LARP1B: variants seen among roughly 807,000 people sequenced by gnomAD.
LARP1B encodes the protein la-related protein 1B.
LARP1B carries 76 observed loss-of-function variants against 114.2 expected under a neutral mutation model. The ratio of observed to expected loss-of-function variants is 0.67; its 90% CI spans 0.55 to 0.81. The LOEUF (loss-of-function observed/expected upper bound fraction) is 0.81. LARP1B is among the 30% of genes least tolerant of loss of function. The pLI, the probability that LARP1B is intolerant of heterozygous loss-of-function variation, is 0.00. For missense variants in LARP1B, 1,014 were observed against 1,075.8 expected, an observed-to-expected ratio of 0.94 and a Z score of 0.80; for synonymous variants, 345 against 348.0, an observed-to-expected ratio of 0.99 and a Z score of 0.10.
At chr4:128,219,343 C>G (rs1177152896) in intron 6 of LARP1B, among the ~76,000 whole-genome samples, 14 of 91,208 alleles carry the variant, frequency 1.5e-4, no homozygotes, top group African/African-American at 5.7e-4. Context: ...GACACATGCA[C>G]ACGTATGTTT....
chr4:128,109,707 C>T (rs1783338254), intron 9 of LARP1B, among the ~76,000 whole-genome samples: 1 of 150,020 alleles, frequency 6.7e-6, no homozygotes, highest in Non-Finnish European at 1.5e-5. Context: ...GTTTTTCTTT[C>T]TTTTCTTTTT....
chr4:128,216,632 C>T (rs896391560), downstream of LARP1B, among the ~76,000 whole-genome samples: 25 of 149,146 alleles, frequency 1.7e-4, no homozygotes, highest in South Asian at 3.6e-3. Context: ...ATCTCTGGGA[C>T]GCATTCAAAG....
At chr4:128,085,649 T>C (rs960327192) in intron 5 of LARP1B, among the ~76,000 whole-genome samples, 1 of 152,214 alleles carries the variant, frequency 6.6e-6, no homozygotes, top group African/African-American at 2.4e-5. Flanking sequence ...ATTACAAGCA[T>C]GAGCCACCGC....
intron 11 of LARP1B, among the ~76,000 whole-genome samples, chr4:128,126,552 AAAC>A (rs1789687837): frequency 1.3e-5 from 2 of 152,226 alleles, no homozygotes; most frequent in Non-Finnish European, 2.9e-5. Flanking sequence ...CTGGAAGTAA[AAAC>A]AATTATGATT....
intron 15 of LARP1B, among the ~76,000 whole-genome samples, chr4:128,196,647 T>G (rs958922671): frequency 6.6e-6 from 1 of 151,674 alleles, no homozygotes; most frequent in African/African-American, 2.4e-5. Flanking sequence ...CAGGCTGGAG[T>G]GCAGTGGTGC....
At chr4:128,106,577 G>A (rs1485742731) in intron 8 of LARP1B, among the ~76,000 whole-genome samples, 1 of 151,550 alleles carries the variant, frequency 6.6e-6, no homozygotes, top group Non-Finnish European at 1.5e-5. Context: ...TTGCCTAATG[G>A]CTAAGACTTT....
chr4:128,078,651 TC>T (rs1426234324), intron 4 of LARP1B, among the ~76,000 whole-genome samples: 1 of 152,058 alleles, frequency 6.6e-6, no homozygotes, highest in Non-Finnish European at 1.5e-5. Context: ...CTCATAGCAT[TC>T]CCCTGTCAAA....
At position 128,074,951 on chromosome 4, in the gene LARP1B, T is replaced by C. The variant is rs1447447231; in HGVS notation, c.-1T>C. The C allele has an allele frequency of 1.2e-6, 2 of 1,608,612 alleles. No individual in the cohort carries two copies. The highest frequency in any genetic ancestry group is 2.2e-5 in the South Asian group (2 of 90,796). ...CTTCTTAGGCTAGTGATTTCAGTGA[T>C]ATGGAGAATTGGCCAACACCAAGTG... is the stretch of plus-strand genomic sequence containing the variant. On this transcript the variant is annotated 5_prime_UTR_variant, in exon 3 of 20. Transcript: ENST00000326639.
intron 11 of LARP1B, among the ~76,000 whole-genome samples, chr4:128,148,915 C>T (rs1246718362): frequency 6.6e-6 from 1 of 152,236 alleles, no homozygotes; most frequent in South Asian, 2.1e-4. Context: ...GCATGAGCCA[C>T]TGCACCTGGC....
chr4:128,171,263 G>A (rs901417564), intron 12 of LARP1B, among the ~76,000 whole-genome samples: 11 of 151,950 alleles, frequency 7.2e-5, no homozygotes, highest in Non-Finnish European at 1.5e-4. Flanking sequence ...CGAGTAGGTC[G>A]GACTACAGGT....
chr4:128,107,341 A>G (rs759257112), intron 9 of LARP1B, 28 bp downstream of exon 9: 7 of 1,612,002 alleles, frequency 4.3e-6, no homozygotes, highest in Non-Finnish European at 5.9e-6. Context: ...AGAGCAAACG[A>G]TGTAACAGTG....
chr4:128,166,088 G>A (rs1740691685), intron 12 of LARP1B, among the ~76,000 whole-genome samples: 1 of 151,972 alleles, frequency 6.6e-6, no homozygotes, highest in African/African-American at 2.4e-5. Context: ...AGTACCACTT[G>A]TATATTTTAT....
intron 7 of LARP1B, 25 bp downstream of exon 7, chr4:128,091,537 G>A (rs1775906572): frequency 1.3e-6 from 2 of 1,551,066 alleles, no homozygotes; most frequent in Non-Finnish European, 1.7e-6. Context: ...GATGTAAGCA[G>A]ACGGGATAGC....
intron 15 of LARP1B, among the ~76,000 whole-genome samples, chr4:128,186,076 A>G (rs932636570): frequency 5.3e-5 from 8 of 152,102 alleles, no homozygotes; most frequent in African/African-American, 1.9e-4. Flanking sequence ...CTTGGTTACT[A>G]TGGCTTTGTA....
intron 11 of LARP1B, among the ~76,000 whole-genome samples, chr4:128,139,843 A>C (rs1036941649): frequency 6.6e-6 from 1 of 150,858 alleles, no homozygotes; most frequent in South Asian, 2.1e-4. Context: ...TCAGATGGTA[A>C]GTAGAGTTTG....
chr4:128,109,675 C>T (rs1445082024), intron 9 of LARP1B, among the ~76,000 whole-genome samples: 1 of 151,626 alleles, frequency 6.6e-6, no homozygotes, highest in African/African-American at 2.4e-5. Context: ...TAATAATCTT[C>T]ACAAGGGCAC....
chr4:128,196,927 A>G (rs1754359419), intron 15 of LARP1B, among the ~76,000 whole-genome samples: 1 of 152,198 alleles, frequency 6.6e-6, no homozygotes, highest in Non-Finnish European at 1.5e-5. Flanking sequence ...ATTATGCTTA[A>G]TGAAACAAGG....
chr4:128,166,936 CTCTCTCT>C (rs1229376030), intron 12 of LARP1B, among the ~76,000 whole-genome samples: 4 of 30,752 alleles, frequency 1.3e-4, no homozygotes, highest in African/African-American at 4.8e-4. Context: ...TCTATTCTCT[CTCTCTCT>C]CTCTCTCTCT....
At chr4:128,151,671 C>T (rs1234745047) in intron 11 of LARP1B, among the ~76,000 whole-genome samples, 3 of 151,934 alleles carry the variant, frequency 2.0e-5, no homozygotes, top group Admixed American at 6.6e-5. Context: ...GGCGTGATCT[C>T]GGCTCACTGC....
Sources: allele counts gnomAD v4.1 joint callset (sites outside exome capture counted in the v4.1 genomes callset), GRCh38; gene constraint gnomAD v4.1.1; transcripts MANE v1.5; gene names NCBI Gene and HGNC (gene_info 2026-07-23, HGNC 2026-07-21).